Variants in CBFA2T3 observed in about 807,000 individuals in gnomAD.
The protein encoded by CBFA2T3 is transcriptional corepressor CBFA2T3.
A neutral mutation model predicts 58.6 loss-of-function variants in CBFA2T3; 31 were observed. That is an observed-to-expected ratio of 0.53 (90% CI 0.40 to 0.71). The LOEUF is 0.71. Among genes scored for constraint, CBFA2T3 ranks in the 30% least tolerant of loss-of-function variants. The pLI is 0.00. For synonymous variants in CBFA2T3, 531 were observed against 421.9 expected, an observed-to-expected ratio of 1.26 and a Z score of -3.17; for missense variants, 1,076 against 963.1, an observed-to-expected ratio of 1.12 and a Z score of -1.55.
In CBFA2T3 at chr16:88,875,815, T is replaced by A. The variant is rs1318542800; in HGVS notation, c.*1161A>T. On this transcript the variant is annotated 3_prime_UTR_variant, in exon 12 of 12. Transcript: ENST00000268679. ...CTGGGAAGAAAACTTTAGCACTTTT[T>A]TTCCACAAGTGGAAAACGGAAATAT... is the stretch of plus-strand genomic sequence containing the variant. 4.3e-6 allele frequency: 1 copy of A among 233,418 alleles called. No homozygotes were observed. The highest frequency in any genetic ancestry group is 2.2e-5 in the African/African-American group (1 of 45,320). 14.5% of individuals were successfully genotyped at this position (233,418 alleles called of 1,614,324 possible).
intron 1 of CBFA2T3, among the ~76,000 whole-genome samples, chr16:88,962,563 C>T (rs899708121): frequency 1.3e-5 from 2 of 152,140 alleles, no homozygotes; most frequent in Non-Finnish European, 2.9e-5. Flanking sequence ...ACTCTGCACC[C>T]TGAGGGCACG....
chr16:88,908,381 C>T (rs557745444), intron 1 of CBFA2T3, among the ~76,000 whole-genome samples: 112 of 152,166 alleles, frequency 7.4e-4, no homozygotes, highest in Middle Eastern at 3.4e-3. Context: ...AATTCCCAGA[C>T]CCTGGAGGCC....
chr16:88,976,071 G>A (rs554452257), intron 1 of CBFA2T3, among the ~76,000 whole-genome samples: 39 of 152,320 alleles, frequency 2.6e-4, no homozygotes, highest in Middle Eastern at 6.8e-3. Flanking sequence ...AATAGCTGGC[G>A]TCCTGCTGGA....
intron 1 of CBFA2T3, 132 bp downstream of exon 1, chr16:88,976,525 G>A: frequency 1.5e-6 from 1 of 687,904 alleles, no homozygotes; most frequent in Non-Finnish European, 2.5e-6. Flanking sequence ...TCTGAGGTGA[G>A]TCAACACGGC....
chr16:88,918,266 A>C (rs568140826), intron 1 of CBFA2T3, among the ~76,000 whole-genome samples: 1 of 152,346 alleles, frequency 6.6e-6, no homozygotes, highest in South Asian at 2.1e-4. Flanking sequence ...TGAGGCACCA[A>C]GCTGGGCCCT....
At chr16:88,890,394 G>T (rs534626697) in intron 5 of CBFA2T3, among the ~76,000 whole-genome samples, 1 of 152,216 alleles carries the variant, frequency 6.6e-6, no homozygotes, top group African/African-American at 2.4e-5. Flanking sequence ...CTGGACCCCC[G>T]AGGGGAGGCC....
intron 1 of CBFA2T3, among the ~76,000 whole-genome samples, chr16:88,911,225 C>G (rs1473447705): frequency 3.9e-5 from 6 of 152,256 alleles, no homozygotes; most frequent in African/African-American, 1.2e-4. Flanking sequence ...ACAAGGGACC[C>G]TGACCCCAAG....
chr16:88,900,444 A>C (rs1970052813), intron 2 of CBFA2T3, among the ~76,000 whole-genome samples: 1 of 152,194 alleles, frequency 6.6e-6, no homozygotes, highest in African/African-American at 2.4e-5. Context: ...AGAGCCAGGG[A>C]GGGAGCCAGG....
intron 1 of CBFA2T3, among the ~76,000 whole-genome samples, chr16:88,970,980 C>A: frequency 6.6e-6 from 1 of 151,428 alleles, no homozygotes; most frequent in Non-Finnish European, 1.5e-5. Context: ...GGCACGGGCT[C>A]GGGAGGCTTG....
chr16:88,929,279 CA>C (rs34114295), intron 1 of CBFA2T3, among the ~76,000 whole-genome samples: 63,658 of 152,058 alleles, frequency 0.42, 14,059 homozygotes, highest in Middle Eastern at 0.59. Context: ...TGACCTCAGG[CA>C]AACGGCATCC....
At chr16:88,892,941 C>T (rs994306403) in intron 3 of CBFA2T3, among the ~76,000 whole-genome samples, 12 of 152,316 alleles carry the variant, frequency 7.9e-5, no homozygotes, top group Non-Finnish European at 1.3e-4. Flanking sequence ...GCGGCCCCTA[C>T]GCCTGGCCTG....
At chr16:88,975,639 A>T (rs1271360741) in intron 1 of CBFA2T3, among the ~76,000 whole-genome samples, 2 of 152,262 alleles carry the variant, frequency 1.3e-5, no homozygotes, top group Non-Finnish European at 2.9e-5. Flanking sequence ...AACGAACAGT[A>T]GCACTGGCTG....
chr16:88,881,637 C>T (rs1969087237), intron 8 of CBFA2T3, 148 bp from the exon 9 acceptor site: 1 of 755,710 alleles, frequency 1.3e-6, no homozygotes, highest in African/African-American at 1.8e-5. Context: ...GAGGGCCCAC[C>T]TCCATGGCTT....
Position 88,877,234 on chromosome 16 carries a change from G to A in CBFA2T3, c.1704C>T (p.Ser568=), listed in dbSNP as rs746712871. 25 of 1,555,464 alleles carry A rather than the reference G, an allele frequency of 1.6e-5. No individual in the cohort carries two copies. The highest frequency in any genetic ancestry group is 1.8e-4 in the Middle Eastern group (1 of 5,644). Residue 568 remains serine, a synonymous_variant, in exon 12 of 12, where the codon AGC becomes AGT. Coordinates refer to ENST00000268679, the MANE Select transcript of CBFA2T3 (RefSeq NM_005187.6). ...NCGRKASETC[S]GCNAARYCGS... ...CGCAGTAGCGTGCCGCGTTGCAGCC[G>A]CTGCACGTCTCACTGGCTTTCCGCC... is the stretch of plus-strand genomic sequence containing the variant.
At chr16:88,896,485 G>A (rs1039932478) in intron 3 of CBFA2T3, among the ~76,000 whole-genome samples, 2 of 152,150 alleles carry the variant, frequency 1.3e-5, no homozygotes, top group African/African-American at 2.4e-5. Context: ...AGGATGCACC[G>A]AGCCCCTGGT....
chr16:88,942,321 C>T (rs958135602), intron 1 of CBFA2T3, among the ~76,000 whole-genome samples: 1 of 152,188 alleles, frequency 6.6e-6, no homozygotes, highest in Non-Finnish European at 1.5e-5. Flanking sequence ...TAGACACAAG[C>T]GGCTGGGGGG....
chr16:88,880,842 G>A (rs774493622), intron 9 of CBFA2T3, 54 bp from the exon 10 acceptor site: 21 of 1,478,246 alleles, frequency 1.4e-5, no homozygotes, highest in Middle Eastern at 3.9e-4. Flanking sequence ...CCCCTCCCAC[G>A]CTGGGGCCCT....
At chr16:88,962,581 G>A (rs1972393561) in intron 1 of CBFA2T3, among the ~76,000 whole-genome samples, 2 of 152,226 alleles carry the variant, frequency 1.3e-5, no homozygotes, top group Non-Finnish European at 2.9e-5. Context: ...ACGTGGTGGG[G>A]CCAGATCACC....
chr16:88,936,971 GTC>G (rs1200412886), intron 1 of CBFA2T3: 2 of 152,254 alleles, frequency 1.3e-5, no homozygotes, highest in Non-Finnish European at 2.9e-5. Context: ...CTCCGCCTGA[GTC>G]TTTTCCACTG....
Sources: allele counts gnomAD v4.1 joint callset (sites outside exome capture counted in the v4.1 genomes callset), GRCh38; gene constraint gnomAD v4.1.1; transcripts MANE v1.5; gene names NCBI Gene and HGNC (gene_info 2026-07-23, HGNC 2026-07-21).